Variants in HS6ST3 observed in about 807,000 individuals in gnomAD.
HS6ST3 encodes heparan sulfate 6-O-sulfotransferase 3.
In HS6ST3, 12 loss-of-function variants were observed where a neutral mutation model predicts 36.7. The observed-to-expected ratio is 0.33, with a 90% confidence interval of 0.21 to 0.53. HS6ST3 has a LOEUF of 0.53. Ranked by LOEUF, HS6ST3 falls within the 20% of genes least tolerant of loss-of-function variation. The pLI is 0.95. For missense variants in HS6ST3, 584 were observed against 640.9 expected (o/e 0.91, Z 0.96); for synonymous variants, 240 against 257.5 (o/e 0.93, Z 0.65).
At chr13:96,701,972 G>T (rs186331557) in intron 1 of HS6ST3, among the ~76,000 whole-genome samples, 1 of 152,114 alleles carries the variant, frequency 6.6e-6, no homozygotes, top group Non-Finnish European at 1.5e-5. Context: ...ACAAAGAAAT[G>T]GCCTATGAAC....
chr13:96,725,855 T>A (rs1173239416), intron 1 of HS6ST3, among the ~76,000 whole-genome samples: 1 of 152,114 alleles, frequency 6.6e-6, no homozygotes, highest in Non-Finnish European at 1.5e-5. Flanking sequence ...TTTATTTTTT[T>A]AGACAGAGTC....
intron 1 of HS6ST3, among the ~76,000 whole-genome samples, chr13:96,738,149 A>G (rs1419160088): frequency 1.3e-5 from 2 of 152,180 alleles, no homozygotes; most frequent in Non-Finnish European, 2.9e-5. Flanking sequence ...TATTATCTTT[A>G]TTAATATATT....
intron 1 of HS6ST3, among the ~76,000 whole-genome samples, chr13:96,116,432 C>T: frequency 6.6e-6 from 1 of 152,062 alleles, no homozygotes; most frequent in East Asian, 1.9e-4. Context: ...ATGTGGTCTC[C>T]CCTAATCAGC....
chr13:96,119,631 ATCGG>A (rs2053915260), intron 1 of HS6ST3, among the ~76,000 whole-genome samples: 1 of 152,172 alleles, frequency 6.6e-6, no homozygotes, highest in African/African-American at 2.4e-5. Context: ...TGAAATTTGC[ATCGG>A]ATCTATCCCA....
intron 1 of HS6ST3, among the ~76,000 whole-genome samples, chr13:96,306,320 T>A (rs951298000): frequency 5.3e-5 from 8 of 152,022 alleles, no homozygotes; most frequent in African/African-American, 1.4e-4. Flanking sequence ...GCCAGGATAG[T>A]CTTGATCTCT....
chr13:96,754,469 C>T (rs1250534986), intron 1 of HS6ST3, among the ~76,000 whole-genome samples: 1 of 152,172 alleles, frequency 6.6e-6, no homozygotes, highest in East Asian at 1.9e-4. Flanking sequence ...GCTAATTATC[C>T]TTTCTTACAC....
intron 1 of HS6ST3, among the ~76,000 whole-genome samples, chr13:96,279,553 A>G (rs2054764949): frequency 6.6e-6 from 1 of 152,204 alleles, no homozygotes; most frequent in African/African-American, 2.4e-5. Flanking sequence ...TTGATTGCAG[A>G]AAGAAAACTG....
chr13:96,439,915 T>C (rs978178690), intron 1 of HS6ST3, among the ~76,000 whole-genome samples: 1 of 152,220 alleles, frequency 6.6e-6, no homozygotes, highest in Non-Finnish European at 1.5e-5. Context: ...ATTTTCTCTT[T>C]TGCTTTAGAT....
intron 1 of HS6ST3, among the ~76,000 whole-genome samples, chr13:96,224,250 A>C (rs2054469909): frequency 6.6e-6 from 1 of 152,126 alleles, no homozygotes; most frequent in Non-Finnish European, 1.5e-5. Flanking sequence ...CACTGTTAAC[A>C]GTGCTGGTTT....
At chr13:96,145,969 C>A (rs754741018) in intron 1 of HS6ST3, among the ~76,000 whole-genome samples, 1 of 151,928 alleles carries the variant, frequency 6.6e-6, no homozygotes, top group African/African-American at 2.4e-5. Flanking sequence ...GTTGTAGATA[C>A]GTGGCATTAT....
intron 1 of HS6ST3, among the ~76,000 whole-genome samples, chr13:96,372,561 A>C (rs1417006366): frequency 6.6e-6 from 1 of 152,102 alleles, no homozygotes; most frequent in East Asian, 1.9e-4. Context: ...TATTGCCCAG[A>C]CCAATGTCAT....
rs1695331854 is a variant in HS6ST3 at position 96,119,897 on chromosome 13, G to A, written c.707+28328G>A. On this transcript the variant is annotated intron_variant, in intron 1 of 1. Coordinates refer to ENST00000376705, the MANE Select transcript of HS6ST3 (RefSeq NM_153456.4). ...ATAGGAAAAAAAAAAAAAGGAAACT[G>A]TGCTCTACCCTAGGGGATTATTCAG... Among the ~76,000 whole-genome samples the A allele has an allele frequency of 3.3e-5, 5 of 150,258 alleles. No individual in the cohort carries two copies. In the South Asian group the frequency reaches 1.1e-3, roughly 32 times the overall value.
intron 1 of HS6ST3, among the ~76,000 whole-genome samples, chr13:96,156,655 T>TG (rs1454376992): frequency 9.9e-5 from 15 of 152,064 alleles, no homozygotes; most frequent in South Asian, 8.3e-4. Context: ...AGAGGATTGG[T>TG]TTATCAACTC....
rs980102222 is a variant in HS6ST3, at chr13:96,825,993, G to A, written c.708-6497G>A. Among the ~76,000 whole-genome samples, 4 of 152,032 alleles carry A rather than the reference G, an allele frequency of 2.6e-5. No individual in the cohort carries two copies. The East Asian group carries it at 5.8e-4, about 22-fold the overall frequency. ...TTCCTGAAGCAGTGCCTTACACATA[G>A]CGAACCCTCAATAAGCATGTGTTAA... On this transcript the variant is annotated intron_variant, in intron 1 of 1. Transcript: ENST00000376705.
chr13:96,265,269 G>T (rs1434458397), intron 1 of HS6ST3, among the ~76,000 whole-genome samples: 3 of 151,846 alleles, frequency 2.0e-5, no homozygotes, highest in Admixed American at 2.0e-4. Context: ...TCAAACTCCT[G>T]GCTCAAGTGA....
At chr13:96,624,876 G>C (rs1402808103) in intron 1 of HS6ST3, among the ~76,000 whole-genome samples, 1 of 151,846 alleles carries the variant, frequency 6.6e-6, no homozygotes, top group Non-Finnish European at 1.5e-5. Context: ...TTCCAATTTG[G>C]GTTATTAAAT....
chr13:96,813,303 G>A (rs563922651), intron 1 of HS6ST3, among the ~76,000 whole-genome samples: 1 of 152,172 alleles, frequency 6.6e-6, no homozygotes, highest in Admixed American at 6.5e-5. Flanking sequence ...CCCACAAAAT[G>A]TTACTTGGAC....
intron 1 of HS6ST3, among the ~76,000 whole-genome samples, chr13:96,322,592 G>A (rs988028010): frequency 6.6e-6 from 1 of 151,732 alleles, no homozygotes; most frequent in Non-Finnish European, 1.5e-5. Context: ...AAATTTTAAA[G>A]TAAAATAAAA....
chr13:96,559,483 A>T (rs1435379291), intron 1 of HS6ST3, among the ~76,000 whole-genome samples: 2 of 152,160 alleles, frequency 1.3e-5, no homozygotes, highest in African/African-American at 4.8e-5. Flanking sequence ...TTCCCAGCCT[A>T]GTTTATTCCA....
Sources: allele counts gnomAD v4.1 joint callset (sites outside exome capture counted in the v4.1 genomes callset), GRCh38; gene constraint gnomAD v4.1.1; transcripts MANE v1.5; gene names NCBI Gene and HGNC (gene_info 2026-07-23, HGNC 2026-07-21).